The following KCNIP3 variants were observed in gnomAD, a reference collection of about 807,000 sequenced individuals.
KCNIP3 encodes the protein calsenilin.
A neutral mutation model predicts 35.0 loss-of-function variants in KCNIP3; 28 were observed. The ratio of observed to expected loss-of-function variants is 0.80; its 90% CI spans 0.59 to 1.10. The LOEUF (loss-of-function observed/expected upper bound fraction) is 1.10, where lower values mean the gene tolerates loss of function less well. Among genes scored for constraint, KCNIP3 ranks in the 50% least tolerant of loss-of-function variants. The pLI is 0.00. For missense variants in KCNIP3, 295 were observed against 338.4 expected, an observed-to-expected ratio of 0.87 and a Z score of 1.01; for synonymous variants, 134 against 133.8, an observed-to-expected ratio of 1.00 and a Z score of -0.01.
rs1281539374 is a variant in KCNIP3, at chr2:95,385,654, T to C, written c.*1605T>C. On this transcript the variant is annotated 3_prime_UTR_variant, in exon 9 of 9. Transcript: ENST00000295225. ...AGGAAAGGCAGTATGGCGGAGGCCA[T>C]GGGGGCCCCTCGGCATTCACACACA... is the stretch of plus-strand genomic sequence containing the variant. 2 of 152,816 alleles carry C rather than the reference T, an allele frequency of 1.3e-5. No homozygotes were observed. The highest frequency in any genetic ancestry group is 2.4e-5 in the African/African-American group (1 of 41,462). The allele number at this position is 152,816 out of a possible 1,614,324, so 9.5% of individuals were successfully genotyped here.
intron 2 of KCNIP3, among the ~76,000 whole-genome samples, chr2:95,317,757 G>A (rs1405298795): frequency 6.6e-6 from 1 of 152,210 alleles, no homozygotes; most frequent in African/African-American, 2.4e-5. Flanking sequence ...GAGGAGGTCA[G>A]GGAGCAGGCT....
intron 2 of KCNIP3, among the ~76,000 whole-genome samples, chr2:95,320,554 C>G (rs1408012336): frequency 6.6e-6 from 1 of 151,940 alleles, no homozygotes; most frequent in Non-Finnish European, 1.5e-5. Flanking sequence ...CTCCCGTGGT[C>G]TTTCTTGTGG....
rs1271895843 is a variant in KCNIP3, at chr2:95,374,721, G to A, written c.307-127G>A. The A allele has an allele frequency of 4.4e-6, 5 of 1,138,492 alleles. No individual in the cohort carries two copies. The Admixed American group carries it at 6.0e-5, about 14-fold the overall frequency. The allele number at this position is 1,138,492 out of a possible 1,614,324, so 70.5% of individuals were successfully genotyped here. On this transcript the variant is annotated intron_variant, in intron 3 of 8. Coordinates refer to ENST00000295225, the MANE Select transcript of KCNIP3 (RefSeq NM_013434.5). ...AGGCTTTCCACAACCCAGGCCAGGG[G>A]GCCCCAGCAGTGCCACAGGCAGCAG...
chr2:95,327,105 C>T lies in KCNIP3; in HGVS notation c.181+16585C>T, dbSNP rs991611703. ...TGTTCACTAGACCTAGACTGTGCCA[C>T]GTCTACGGAACAAGGAAGGCTTGAG... On this transcript the variant is annotated intron_variant, in intron 2 of 8. Coordinates refer to ENST00000295225, the MANE Select transcript of KCNIP3 (RefSeq NM_013434.5). Among the ~76,000 whole-genome samples, 133 of 152,334 alleles carry T rather than the reference C, an allele frequency of 8.7e-4. 1 individual carries two copies. Among genetic ancestry groups the T allele is most frequent in the East Asian group, 1.4e-3 (7 of 5,184 alleles).
intron 2 of KCNIP3, among the ~76,000 whole-genome samples, chr2:95,372,581 T>G (rs1573518619): frequency 6.6e-6 from 1 of 152,014 alleles, no homozygotes; most frequent in South Asian, 2.1e-4. Context: ...CCTGAGTAGG[T>G]GAGAGGGATC....
chr2:95,347,317 G>A (rs1384916929), intron 2 of KCNIP3, among the ~76,000 whole-genome samples: 1 of 152,206 alleles, frequency 6.6e-6, no homozygotes, highest in Non-Finnish European at 1.5e-5. Context: ...GGACGAAGCC[G>A]CAGCGCTTGG....
intron 2 of KCNIP3, among the ~76,000 whole-genome samples, chr2:95,352,891 T>C (rs1208285382): frequency 1.3e-5 from 2 of 152,180 alleles, no homozygotes; most frequent in African/African-American, 4.8e-5. Flanking sequence ...GTGGAGCTGT[T>C]AACAGCCTGG....
At chr2:95,325,242 C>T (rs544208003) in intron 2 of KCNIP3, among the ~76,000 whole-genome samples, 20 of 152,284 alleles carry the variant, frequency 1.3e-4, no homozygotes, top group Admixed American at 5.9e-4. Flanking sequence ...GAGCATTGAC[C>T]GGAATCCTGG....
At chr2:95,330,821 C>A (rs1470300385) in intron 2 of KCNIP3, among the ~76,000 whole-genome samples, 2 of 152,178 alleles carry the variant, frequency 1.3e-5, no homozygotes, top group East Asian at 3.8e-4. Context: ...ATGTCCCAGG[C>A]TCTGGGGACA....
intron 2 of KCNIP3, among the ~76,000 whole-genome samples, chr2:95,351,534 G>T (rs1337665341): frequency 1.3e-5 from 2 of 152,250 alleles, no homozygotes; most frequent in African/African-American, 4.8e-5. Context: ...TTGAGATGGG[G>T]AAGCCTGGGG....
At chr2:95,339,490 G>A (rs1166566799) in intron 2 of KCNIP3, among the ~76,000 whole-genome samples, 2 of 152,022 alleles carry the variant, frequency 1.3e-5, no homozygotes, top group Non-Finnish European at 2.9e-5. Context: ...AGGCTGAGGC[G>A]GGAGAATCAC....
intron 2 of KCNIP3, among the ~76,000 whole-genome samples, chr2:95,316,337 G>A (rs1558760767): frequency 6.6e-6 from 1 of 152,234 alleles, no homozygotes; most frequent in South Asian, 2.1e-4. Flanking sequence ...ACTGGCAGGG[G>A]TGCGAGGCGC....
chr2:95,300,328 G>T (rs1677991019), intron 1 of KCNIP3, among the ~76,000 whole-genome samples: 1 of 152,210 alleles, frequency 6.6e-6, no homozygotes, highest in Non-Finnish European at 1.5e-5. Context: ...AATTCAGGCT[G>T]CCTTGTCTTA....
chr2:95,369,983 T>A (rs1237720210), intron 2 of KCNIP3, among the ~76,000 whole-genome samples: 1 of 152,226 alleles, frequency 6.6e-6, no homozygotes, highest in South Asian at 2.1e-4. Flanking sequence ...CATTTTGTTC[T>A]TTTATTATAG....
At chr2:95,336,421 C>T (rs1243855555) in intron 2 of KCNIP3, among the ~76,000 whole-genome samples, 4 of 152,220 alleles carry the variant, frequency 2.6e-5, no homozygotes, top group Admixed American at 2.0e-4. Context: ...TTTTAAACTA[C>T]ATCTTTTCAT....
At chr2:95,359,860 G>T (rs1679747057) in intron 2 of KCNIP3, among the ~76,000 whole-genome samples, 1 of 152,228 alleles carries the variant, frequency 6.6e-6, no homozygotes, top group South Asian at 2.1e-4. Context: ...GGAGCACTGT[G>T]GTGGAATGTG....
intron 5 of KCNIP3, among the ~76,000 whole-genome samples, chr2:95,380,635 C>T (rs1680314495): frequency 1.3e-5 from 2 of 152,230 alleles, no homozygotes; most frequent in Non-Finnish European, 2.9e-5. Flanking sequence ...ACCATTTAAA[C>T]AGCCATATTC....
chr2:95,300,635 C>G (rs1221063402), intron 1 of KCNIP3, among the ~76,000 whole-genome samples: 1 of 152,234 alleles, frequency 6.6e-6, no homozygotes, highest in Non-Finnish European at 1.5e-5. Context: ...GGCTCCCGGC[C>G]TCAGCTGACT....
chr2:95,352,502 A>G (rs1273011732), intron 2 of KCNIP3, among the ~76,000 whole-genome samples: 2 of 152,088 alleles, frequency 1.3e-5, no homozygotes, highest in African/African-American at 2.4e-5. Context: ...AACAAGACCC[A>G]GCACTGGACT....
Sources: gnomAD v4.1 joint callset for allele counts (sites outside exome capture counted in the v4.1 genomes callset) on GRCh38, gnomAD v4.1.1 for gene constraint, MANE v1.5 for transcripts, NCBI Gene and HGNC (gene_info 2026-07-23, HGNC 2026-07-21) for gene names.